SAMD12: variants seen among roughly 807,000 people sequenced by gnomAD.
SAMD12 encodes the protein sterile alpha motif domain-containing protein 12.
Under a neutral mutation model 15.0 loss-of-function variants are expected in SAMD12, and 9 were observed. The ratio of observed to expected loss-of-function variants is 0.60; its 90% CI spans 0.36 to 1.05. The LOEUF (loss-of-function observed/expected upper bound fraction) is 1.05. SAMD12 is among the 50% of genes least tolerant of loss of function. The pLI is 0.01. For missense variants in SAMD12, 230 were observed against 234.2 expected (o/e 0.98, Z 0.12); for synonymous variants, 86 against 90.1 (o/e 0.96, Z 0.25).
At chr8:118,385,345 C>G (rs1819896361) in intron 3 of SAMD12, among the ~76,000 whole-genome samples, 1 of 152,138 alleles carries the variant, frequency 6.6e-6, no homozygotes, top group South Asian at 2.1e-4. Flanking sequence ...GAGAATTCTC[C>G]TGCCTGATGG....
intron 4 of SAMD12, chr8:118,291,338 A>T (rs943687987): frequency 6.6e-6 from 1 of 152,162 alleles, no homozygotes; most frequent in Non-Finnish European, 1.5e-5. Context: ...AAGCAGAGGC[A>T]TTCCTCAGGT....
intron 2 of SAMD12, among the ~76,000 whole-genome samples, chr8:118,552,082 G>A (rs1427785568): frequency 9.2e-5 from 14 of 152,176 alleles, no homozygotes; most frequent in African/African-American, 2.2e-4. Flanking sequence ...ATTCACAGCC[G>A]AATTCTACCA....
chr8:118,552,413 C>A (rs988289841), intron 2 of SAMD12, among the ~76,000 whole-genome samples: 5 of 152,138 alleles, frequency 3.3e-5, no homozygotes, highest in East Asian at 3.9e-4. Context: ...ATAAACAGAA[C>A]CAAAGACAAA....
intron 1 of SAMD12, among the ~76,000 whole-genome samples, chr8:118,603,579 T>C (rs1277186900): frequency 6.6e-6 from 1 of 152,130 alleles, no homozygotes; most frequent in Non-Finnish European, 1.5e-5. Context: ...ATATGCAAGT[T>C]CTCAAAACTA....
chr8:118,513,560 C>A (rs1478693887), intron 2 of SAMD12, among the ~76,000 whole-genome samples: 1 of 152,196 alleles, frequency 6.6e-6, no homozygotes, highest in Non-Finnish European at 1.5e-5. Flanking sequence ...ACAGAGCAGT[C>A]TTTAAAGCTG....
intron 4 of SAMD12, among the ~76,000 whole-genome samples, chr8:118,260,734 C>T (rs1339074765): frequency 1.3e-5 from 2 of 152,080 alleles, no homozygotes; most frequent in Non-Finnish European, 2.9e-5. Flanking sequence ...GCAGGCTATC[C>T]TGTGTTGCCT....
At chr8:118,568,786 T>C (rs1826923813) in intron 2 of SAMD12, among the ~76,000 whole-genome samples, 1 of 152,154 alleles carries the variant, frequency 6.6e-6, no homozygotes, top group South Asian at 2.1e-4. Context: ...TTAACACTAC[T>C]ACAGTAATAG....
At chr8:118,281,220 T>G (rs563165450) in intron 4 of SAMD12, among the ~76,000 whole-genome samples, 2 of 152,176 alleles carry the variant, frequency 1.3e-5, no homozygotes, top group Admixed American at 1.3e-4. Context: ...GATTAGGAAA[T>G]AGAAAATGAG....
At chr8:118,245,786 A>G (rs538581705) in intron 4 of SAMD12, among the ~76,000 whole-genome samples, 24 of 152,208 alleles carry the variant, frequency 1.6e-4, no homozygotes, top group Admixed American at 5.2e-4. Flanking sequence ...AGAATTTTCC[A>G]GTTGTAAGGG....
chr8:118,515,185 A>ATTTTTTTTTT (rs55864364), intron 2 of SAMD12, among the ~76,000 whole-genome samples: 17 of 103,294 alleles, frequency 1.6e-4, no homozygotes, highest in East Asian at 2.6e-4. Flanking sequence ...CGCCCAGCTA[A>ATTTTTTTTTT]TTTTTTTTTT....
Position 118,351,597 on chromosome 8 carries a change from A to G in SAMD12, c.433+27963T>C, listed in dbSNP as rs529243784. ...TGATAGCAAGGCTATCAGGTTATGT[A>G]TGTGTATGTAGGATTGACATACACT... is the stretch of plus-strand genomic sequence containing the variant. On this transcript the variant is annotated intron_variant, in intron 4 of 4. Transcript: ENST00000409003. Among the ~76,000 whole-genome samples, 47 of 152,268 alleles carry G rather than the reference A, an allele frequency of 3.1e-4. 1 individual carries two copies. Among genetic ancestry groups the G allele is most frequent in the African/African-American group, 9.9e-4 (41 of 41,564 alleles).
chr8:118,453,633 A>G (rs781404811), intron 2 of SAMD12, among the ~76,000 whole-genome samples: 2 of 152,032 alleles, frequency 1.3e-5, no homozygotes, highest in African/African-American at 2.4e-5. Context: ...TGGTCCTCCT[A>G]TCTCAGCCCC....
chr8:118,352,384 C>G (rs938779267), intron 4 of SAMD12, among the ~76,000 whole-genome samples: 2 of 151,846 alleles, frequency 1.3e-5, no homozygotes, highest in African/African-American at 4.8e-5. Context: ...AGAATAAAAC[C>G]GTGAAACAGA....
the SAMD12 span, among the ~76,000 whole-genome samples, chr8:118,148,232 G>A: frequency 1.3e-5 from 2 of 152,012 alleles, no homozygotes; most frequent in Non-Finnish European, 1.5e-5. Flanking sequence ...ACAGGCATAA[G>A]CCACTGTGCC....
exon 5 of SAMD12, chr8:118,192,361 T>G (rs866718861): frequency 6.6e-6 from 1 of 152,268 alleles, no homozygotes; most frequent in Middle Eastern, 3.4e-3. Flanking sequence ...TTTATTTCTC[T>G]TGATCCAAAT....
chr8:118,441,465 TATTCGTA>T (rs1822761460), intron 2 of SAMD12, among the ~76,000 whole-genome samples: 1 of 151,402 alleles, frequency 6.6e-6, no homozygotes, highest in Non-Finnish European at 1.5e-5. Context: ...GTTTTTTTTT[TATTCGTA>T]TATTTCCAGT....
At chr8:118,163,796 A>T in the SAMD12 span, among the ~76,000 whole-genome samples, 7 of 152,252 alleles carry the variant, frequency 4.6e-5, no homozygotes, top group Admixed American at 4.6e-4. Context: ...AATGGAGTGA[A>T]CCCTGGAGGC....
chr8:118,248,905 C>T (rs1474972364), intron 4 of SAMD12, among the ~76,000 whole-genome samples: 4 of 151,972 alleles, frequency 2.6e-5, no homozygotes, highest in Non-Finnish European at 5.9e-5. Flanking sequence ...GCTGCCATTG[C>T]CAAAATACTA....
chr8:118,406,920 GTC>G (rs1821161332), intron 3 of SAMD12, among the ~76,000 whole-genome samples: 1 of 148,106 alleles, frequency 6.8e-6, no homozygotes, highest in Non-Finnish European at 1.5e-5. Context: ...GTGTGTGTGT[GTC>G]TCCACATTTT....
Sources: allele counts gnomAD v4.1 joint callset (sites outside exome capture counted in the v4.1 genomes callset), GRCh38; gene constraint gnomAD v4.1.1; transcripts MANE v1.5; gene names NCBI Gene and HGNC (gene_info 2026-07-23, HGNC 2026-07-21).